NRG1: variants seen among roughly 807,000 people sequenced by gnomAD.
NRG1 encodes the protein pro-neuregulin-1, membrane-bound isoform.
In NRG1, 18 loss-of-function variants were observed where a neutral mutation model predicts 63.8. The ratio of observed to expected loss-of-function variants is 0.28; its 90% confidence interval spans 0.19 to 0.42. The LOEUF (loss-of-function observed/expected upper bound fraction) is 0.42. NRG1 is among the 10% of genes least tolerant of loss of function. The pLI is 1.00. For missense variants in NRG1, 762 were observed against 814.7 expected (o/e 0.94, Z 0.79); for synonymous variants, 302 against 301.3 (o/e 1.00, Z -0.02).
intron 5 of NRG1, among the ~76,000 whole-genome samples, chr8:32,689,175 CAA>C (rs1810948021): frequency 6.6e-6 from 1 of 151,878 alleles, no homozygotes; most frequent in Admixed American, 6.6e-5. Context: ...GTAAAATTTG[CAA>C]AAGTTTCATG....
At chr8:31,783,809 G>T (rs1313393045) in intron 1 of NRG1, among the ~76,000 whole-genome samples, 1 of 152,054 alleles carries the variant, frequency 6.6e-6, no homozygotes, top group Non-Finnish European at 1.5e-5. Context: ...ATTCTAGAAG[G>T]CCTCGCATGG....
intron 1 of NRG1, among the ~76,000 whole-genome samples, chr8:31,950,818 A>G (rs2129623139): frequency 6.6e-6 from 1 of 152,296 alleles, no homozygotes; most frequent in African/African-American, 2.4e-5. Flanking sequence ...TGATTTTGCA[A>G]ACTTGCATTC....
At chr8:32,713,757 T>G (rs895991008) in intron 5 of NRG1, among the ~76,000 whole-genome samples, 2 of 121,420 alleles carry the variant, frequency 1.6e-5, no homozygotes, top group Admixed American at 1.6e-4. Context: ...ATAAATATAT[T>G]ATATATTTAT....
intron 1 of NRG1, among the ~76,000 whole-genome samples, chr8:31,720,744 A>G (rs1363266689): frequency 2.0e-5 from 3 of 152,218 alleles, no homozygotes; most frequent in Non-Finnish European, 2.9e-5. Context: ...AGAAAGGAAC[A>G]ATGCAGAGTT....
chr8:32,271,203 G>T (rs1483473187), intron 1 of NRG1, among the ~76,000 whole-genome samples: 1 of 152,084 alleles, frequency 6.6e-6, no homozygotes, highest in Non-Finnish European at 1.5e-5. Flanking sequence ...GGCTGAAATA[G>T]TCTTCCCAAA....
chr8:32,503,129 CA>C (rs61353704), intron 1 of NRG1, among the ~76,000 whole-genome samples: 1 of 149,186 alleles, frequency 6.7e-6, no homozygotes, highest in East Asian at 2.0e-4. Context: ...ACTAAAAATA[CA>C]AAAAAAATTA....
At chr8:32,583,872 A>G (rs745605121) in intron 1 of NRG1, among the ~76,000 whole-genome samples, 2 of 152,226 alleles carry the variant, frequency 1.3e-5, no homozygotes, top group Non-Finnish European at 2.9e-5. Context: ...AAGGAAAACG[A>G]TATGTTGACA....
intron 1 of NRG1, among the ~76,000 whole-genome samples, chr8:31,712,687 G>A (rs1411001901): frequency 6.6e-6 from 1 of 152,176 alleles, no homozygotes; most frequent in Non-Finnish European, 1.5e-5. Context: ...CTGTTGGTAA[G>A]TGTTACTGCT....
intron 1 of NRG1, among the ~76,000 whole-genome samples, chr8:32,202,196 A>G (rs1843564158): frequency 1.3e-5 from 2 of 152,336 alleles, no homozygotes; most frequent in Admixed American, 6.5e-5. Context: ...CTTTATAATT[A>G]TAAAGAAAAG....
chr8:32,096,548 T>C (rs1221979637), intron 1 of NRG1, among the ~76,000 whole-genome samples: 1 of 152,216 alleles, frequency 6.6e-6, no homozygotes, highest in East Asian at 1.9e-4. Context: ...ATTTATTTGG[T>C]TCACGTTTGT....
intron 1 of NRG1, among the ~76,000 whole-genome samples, chr8:31,978,024 G>T (rs1014905468): frequency 4.6e-5 from 7 of 152,072 alleles, no homozygotes; most frequent in Non-Finnish European, 1.0e-4. Flanking sequence ...CCTCTCAAAT[G>T]TAACAGGATT....
chr8:31,961,481 A>T (rs904318139), intron 1 of NRG1, among the ~76,000 whole-genome samples: 1 of 152,214 alleles, frequency 6.6e-6, no homozygotes, highest in Non-Finnish European at 1.5e-5. Flanking sequence ...ATTTAAAAAA[A>T]TTCTACCTGA....
At chr8:32,458,001 T>C (rs1298350309) in intron 1 of NRG1, among the ~76,000 whole-genome samples, 2 of 152,094 alleles carry the variant, frequency 1.3e-5, no homozygotes, top group African/African-American at 4.8e-5. Flanking sequence ...CCCTGCAAAC[T>C]CTGCATCCGG....
chr8:32,263,123 G>A (rs1010952601), intron 1 of NRG1, among the ~76,000 whole-genome samples: 1 of 152,208 alleles, frequency 6.6e-6, no homozygotes, highest in African/African-American at 2.4e-5. Context: ...CACAGTAGAT[G>A]TTTGGTAAAT....
At chr8:32,349,155 C>A (rs940994345) in intron 1 of NRG1, among the ~76,000 whole-genome samples, 3 of 152,274 alleles carry the variant, frequency 2.0e-5, no homozygotes, top group South Asian at 4.1e-4. Flanking sequence ...TGTCAAGACA[C>A]CTTAGTGCAT....
At chr8:32,756,922 G>A (rs534929569) in intron 9 of NRG1, among the ~76,000 whole-genome samples, 1 of 152,110 alleles carries the variant, frequency 6.6e-6, no homozygotes, top group Non-Finnish European at 1.5e-5. Flanking sequence ...ACAGATAACC[G>A]AGCAAAGAGC....
chr8:32,366,707 A>G (rs1431381014), intron 1 of NRG1, among the ~76,000 whole-genome samples: 1 of 69,926 alleles, frequency 1.4e-5, no homozygotes, highest in East Asian at 2.8e-4. Context: ...ATATATATAT[A>G]TATATATCTC....
At chr8:32,100,552 T>G (rs1830438392) in intron 1 of NRG1, among the ~76,000 whole-genome samples, 1 of 151,566 alleles carries the variant, frequency 6.6e-6, no homozygotes, top group African/African-American at 2.4e-5. Context: ...ACTTTTTTTT[T>G]TTATAAAATG....
intron 1 of NRG1, among the ~76,000 whole-genome samples, chr8:32,209,114 A>G (rs755716063): frequency 7.2e-5 from 11 of 152,178 alleles, no homozygotes; most frequent in Non-Finnish European, 1.3e-4. Context: ...CATCTGAAAT[A>G]TAAGGATAAT....
Sources: gnomAD v4.1 joint callset for allele counts (sites outside exome capture counted in the v4.1 genomes callset) on GRCh38, gnomAD v4.1.1 for gene constraint, MANE v1.5 for transcripts, NCBI Gene and HGNC (gene_info 2026-07-23, HGNC 2026-07-21) for gene names.